The following LRCH2 variants were observed in gnomAD, a reference collection of about 807,000 sequenced individuals.
LRCH2 encodes leucine rich repeats and calponin homology domain containing 2, also known as leucine-rich repeat and calponin homology domain-containing protein 2.
In LRCH2, 38 loss-of-function variants were observed where a neutral mutation model predicts 68.9. The observed-to-expected ratio is 0.55, with a 90% CI of 0.43 to 0.72. LRCH2 has a LOEUF of 0.72. LRCH2 is among the 30% of genes least tolerant of loss of function. The probability of loss-of-function intolerance (pLI) is 0.00; values close to 1 mark genes in which losing one functional copy is unlikely to be tolerated. For missense variants in LRCH2, 528 were observed against 572.9 expected, an observed-to-expected ratio of 0.92 and a Z score of 0.80; for synonymous variants, 191 against 208.1, an observed-to-expected ratio of 0.92 and a Z score of 0.71.
intron 16 of LRCH2, 55 bp downstream of exon 16, chrX:115,126,788 A>G: frequency 1.1e-6 from 1 of 937,805 alleles, no homozygotes. Context: ...TCTTATGTAA[A>G]ACACAGAAAA....
At chrX:115,119,989 C>A (rs2072121932) in intron 20 of LRCH2, among the ~76,000 whole-genome samples, 1 of 111,014 alleles carries the variant, frequency 9.0e-6, no homozygotes, top group Non-Finnish European at 1.9e-5. Context: ...GAAACTGGAT[C>A]CCTTCCTTAC....
In LRCH2 at chrX:115,125,006, A is replaced by G. The variant is rs782386859; in HGVS notation, c.1792-1004T>C. Reference sequence around the variant, plus strand: ...AGGTTAAATGTCAGTTGAGTTACCAAAGCACATACATACTCACCACCCTAT... The same window carrying G: ...AGGTTAAATGTCAGTTGAGTTACCAGAGCACATACATACTCACCACCCTAT... On this transcript the variant is annotated intron_variant, in intron 16 of 20. Coordinates refer to ENST00000317135, the MANE Select transcript of LRCH2 (RefSeq NM_020871.4). 3.4e-4 allele frequency among the ~76,000 whole-genome samples: 38 copies of G among 111,370 alleles called. No individual in the cohort carries two copies. The South Asian group carries it at 4.2e-3, about 12-fold the overall frequency.
intron 1 of LRCH2, chrX:115,189,364 G>A (rs1338232576): frequency 2.8e-6 from 3 of 1,060,132 alleles, no homozygotes; most frequent in Non-Finnish European, 3.8e-6. Context: ...CGCCCTCCAC[G>A]AGAGCGCTCG....
In LRCH2 at chrX:115,149,906, G is replaced by A. The variant is rs370118142; in HGVS notation, c.1616C>T (p.Pro539Leu). The A allele has an allele frequency of 2.6e-5, 31 of 1,201,719 alleles. No homozygotes were observed. The highest frequency in any genetic ancestry group is 3.5e-5 in the Non-Finnish European group (31 of 890,361). ...GATTATAGGGTGAGATTCTGGCCAC[G>A]GTTGTTCATCTATTTGATCCTTCTG... ...ENQKDQIDEQPWPESHPIIWQ... is the reference protein window; with the variant it reads ...ENQKDQIDEQLWPESHPIIWQ... Residue 539 changes from proline to leucine, a missense_variant, in exon 14 of 21, where the codon CCG becomes CTG. Pro to Leu is a moderately conservative substitution (Grantham distance 98). Transcript: ENST00000317135.
chrX:115,163,984 T>A, intron 10 of LRCH2, among the ~76,000 whole-genome samples: 1 of 112,232 alleles, frequency 8.9e-6, no homozygotes, highest in Middle Eastern at 4.6e-3. Flanking sequence ...ACTGGCTGTA[T>A]TAATATAATT....
At chrX:115,182,253 C>T (rs1042709520) in intron 3 of LRCH2, among the ~76,000 whole-genome samples, 4 of 110,617 alleles carry the variant, frequency 3.6e-5, no homozygotes, top group African/African-American at 1.3e-4. Context: ...AAACGTAGGG[C>T]CAAAAACTAA....
At position 115,112,931 on chromosome X, in the gene LRCH2, T is replaced by TTAG. The variant is rs1163296823; in HGVS notation, c.*282_*284dup. The TTAG allele has an allele frequency of 5.7e-6, 1 of 174,513 alleles. No individual in the cohort carries two copies. Among genetic ancestry groups the TTAG allele is most frequent in the Non-Finnish European group, 1.1e-5 (1 of 94,018 alleles). The allele number at this position is 174,513 out of a possible 1,213,427, so 14.4% of individuals were successfully genotyped here. On this transcript the variant is annotated 3_prime_UTR_variant, in exon 21 of 21. Coordinates refer to ENST00000317135, the MANE Select transcript of LRCH2 (RefSeq NM_020871.4). ...ATTAAATTGAAACTACATTTTAAAT[T>TTAG]TAGTATCAGTCTGCTTTCTGAAAAA...
intron 20 of LRCH2, among the ~76,000 whole-genome samples, chrX:115,113,701 A>C (rs1382983444): frequency 9.0e-6 from 1 of 111,502 alleles, no homozygotes; most frequent in Non-Finnish European, 1.9e-5. Context: ...AGTAAAAATC[A>C]CCAATGCCAT....
intron 14 of LRCH2, among the ~76,000 whole-genome samples, chrX:115,145,620 T>C (rs1408176430): frequency 1.8e-5 from 2 of 111,871 alleles, no homozygotes; most frequent in Non-Finnish European, 3.8e-5. Context: ...GATTAAAACA[T>C]GGGTAAAAGA....
chrX:115,191,652 G>C, intron 1 of LRCH2: 1 of 1,158,687 alleles, frequency 8.6e-7, no homozygotes, highest in Admixed American at 2.6e-5. Context: ...GTTCCAGCCA[G>C]AGCGACCACT....
intron 1 of LRCH2, among the ~76,000 whole-genome samples, chrX:115,194,539 G>A (rs1458715873): frequency 1.8e-5 from 2 of 112,277 alleles, no homozygotes; most frequent in Non-Finnish European, 3.8e-5. Context: ...TGCCCAGTTT[G>A]TTATTCTGTA....
intron 14 of LRCH2, among the ~76,000 whole-genome samples, chrX:115,131,567 T>C (rs1177687823): frequency 8.9e-6 from 1 of 111,737 alleles, no homozygotes. Context: ...AATAAACATA[T>C]GTGTACATGT....
intron 12 of LRCH2, among the ~76,000 whole-genome samples, chrX:115,152,587 C>G (rs6644190): frequency 0.077 from 8,621 of 111,498 alleles, 309 homozygotes; most frequent in Non-Finnish European, 0.1. Context: ...AAACCCAACA[C>G]AGACAGAAAA....
At position 115,142,948 on chromosome X, in the gene LRCH2, A is replaced by C. The variant is rs782249463; in HGVS notation, c.1695+6879T>G. Among the ~76,000 whole-genome samples, 4 of 110,141 alleles carry C rather than the reference A, an allele frequency of 3.6e-5. No individual in the cohort carries two copies. The Admixed American group carries it at 3.9e-4, about 11-fold the overall frequency. ...AACCCCATCTCTACAAAAAATACAA[A>C]AATTAGCTGGGTGTGGTGGTGCCTG... is the stretch of plus-strand genomic sequence containing the variant. On this transcript the variant is annotated intron_variant, in intron 14 of 20. Transcript: ENST00000317135.
intron 1 of LRCH2, among the ~76,000 whole-genome samples, chrX:115,215,185 T>C (rs782633754): frequency 1.8e-5 from 2 of 111,945 alleles, no homozygotes; most frequent in East Asian, 2.8e-4. Flanking sequence ...AAAAACATTA[T>C]AGTGACTAGT....
chrX:115,186,311 C>T (rs983140224), intron 2 of LRCH2, among the ~76,000 whole-genome samples: 1 of 107,004 alleles, frequency 9.3e-6, no homozygotes, highest in African/African-American at 3.5e-5. Context: ...CAAGATGGTG[C>T]CACTCCACCC....
intron 12 of LRCH2, among the ~76,000 whole-genome samples, chrX:115,154,590 T>C (rs1556539100): frequency 1.8e-5 from 2 of 111,672 alleles, no homozygotes; most frequent in South Asian, 3.7e-4. Context: ...GCAATATAGA[T>C]AGGCAATAAA....
At chrX:115,189,902 C>T (rs782207255) in intron 1 of LRCH2, 13 of 1,160,237 alleles carry the variant, frequency 1.1e-5, no homozygotes, top group South Asian at 7.7e-5. Context: ...GGGCCGCCAC[C>T]GCGGCACTGG....
chrX:115,128,654 A>C (rs1477511537), intron 15 of LRCH2, among the ~76,000 whole-genome samples: 1 of 112,081 alleles, frequency 8.9e-6, no homozygotes, highest in East Asian at 2.8e-4. Flanking sequence ...AGTAATGAAA[A>C]AGTAGCCATA....
Sources: allele counts gnomAD v4.1 joint callset (sites outside exome capture counted in the v4.1 genomes callset), GRCh38; gene constraint gnomAD v4.1.1; transcripts MANE v1.5; gene names NCBI Gene and HGNC (gene_info 2026-07-23, HGNC 2026-07-21).